The following ZDHHC11 variants were observed in gnomAD, a reference collection of about 807,000 sequenced individuals.
ZDHHC11 encodes palmitoyltransferase ZDHHC11.
ZDHHC11 carries 44 observed loss-of-function variants against 51.3 expected under a neutral mutation model. That is an observed-to-expected ratio of 0.86 (90% CI 0.67 to 1.10). The LOEUF (loss-of-function observed/expected upper bound fraction) is 1.10, where lower values mean the gene tolerates loss of function less well. Among genes scored for constraint, ZDHHC11 ranks in the 50% least tolerant of loss-of-function variants. The pLI, the probability that ZDHHC11 is intolerant of heterozygous loss-of-function variation, is 0.00. For missense variants in ZDHHC11, 400 were observed against 537.7 expected (o/e 0.74, Z 2.53); for synonymous variants, 163 against 222.0 (o/e 0.73, Z 2.36).
At chr5:844,943 A>G (rs1195641068) in intron 3 of ZDHHC11, among the ~76,000 whole-genome samples, 4 of 152,306 alleles carry the variant, frequency 2.6e-5, no homozygotes, top group Non-Finnish European at 5.9e-5. Context: ...TGCCATGATG[A>G]TATTTTTTTA....
intron 12 of ZDHHC11, among the ~76,000 whole-genome samples, chr5:798,998 G>GTT (rs1488108208): frequency 3.3e-5 from 5 of 151,818 alleles, no homozygotes; most frequent in Non-Finnish European, 7.4e-5. Context: ...GAGCCATCTT[G>GTT]TTTCAGTCAC....
rs1278754341 is a variant in ZDHHC11, at chr5:843,335, A to G, written c.628+265T>C. On this transcript the variant is annotated intron_variant, in intron 4 of 12. Coordinates refer to ENST00000283441, the MANE Select transcript of ZDHHC11 (RefSeq NM_024786.3). ...GAGGGCAGGGGCAGAGGTGGACCCC[A>G]CTGTCTCTCGCCTGACACGACCTGG... 152 of 583,040 alleles carry G rather than the reference A, an allele frequency of 2.6e-4. 1 individual carries two copies. The African/African-American group carries it at 2.7e-3, about 10-fold the overall frequency. 36.1% of individuals were successfully genotyped at this position (583,040 alleles called of 1,614,324 possible).
chr5:840,734 G>A (rs2150394603), intron 4 of ZDHHC11, 84 bp from the exon 5 acceptor site: 2 of 1,594,790 alleles, frequency 1.3e-6, no homozygotes, highest in East Asian at 2.2e-5. Context: ...AGAGCGTGCT[G>A]GGGATGGGGC....
rs1311358627 is a variant in ZDHHC11 at position 844,491 on chromosome 5, A to G, written c.504-767T>C. ...TGCCCGCACCTCCCGACTCCACCTG[A>G]TGCAGACAGGCCTCCCTACCAGCCA... On this transcript the variant is annotated intron_variant, in intron 3 of 12. Coordinates refer to ENST00000283441, the MANE Select transcript of ZDHHC11 (RefSeq NM_024786.3). Among the ~76,000 whole-genome samples, 15 of 152,402 alleles carry G rather than the reference A, an allele frequency of 9.8e-5. No individual in the cohort carries two copies. The East Asian group carries it at 2.7e-3, about 27-fold the overall frequency.
At chr5:827,136 T>C (rs1464010683) in intron 7 of ZDHHC11, among the ~76,000 whole-genome samples, 1 of 149,774 alleles carries the variant, frequency 6.7e-6, no homozygotes. Context: ...CTATGTTTCC[T>C]AAATGAAGTA....
At chr5:840,756 A>G in intron 4 of ZDHHC11, 106 bp from the exon 5 acceptor site, 1 of 1,573,292 alleles carries the variant, frequency 6.4e-7, no homozygotes, top group Non-Finnish European at 8.6e-7. Context: ...GTGTGGGGAC[A>G]GCCAGTGCGA....
rs1218362393 is a variant in ZDHHC11 at position 848,572 on chromosome 5, T to C, written c.311A>G (p.Lys104Arg). ...DPADSNVRLM[K>R]NYSQPMPLFD... ...GAGGGGCATGGGCTGAGAATAGTTC[T>C]TCATGAGTCTGACATTGGAGTCGGC... The change falls in exon 2 of 13, where the codon AAG (lysine) becomes AGG (arginine). Residue 104 changes from lysine (K) to arginine (R), a missense_variant. Lys to Arg is a conservative substitution (Grantham distance 26). This residue lies in a region of ZDHHC11 where 22 missense variants were observed against 81.0 expected (regional missense o/e 0.27). Transcript: ENST00000283441. The C allele has an allele frequency of 1.3e-6, 2 of 1,587,640 alleles. No individual in the cohort carries two copies. The highest frequency in any genetic ancestry group is 4.5e-5 in the East Asian group (2 of 44,074).
chr5:810,927 G>A (rs1257665708), intron 11 of ZDHHC11, among the ~76,000 whole-genome samples: 1 of 151,956 alleles, frequency 6.6e-6, no homozygotes, highest in Admixed American at 6.6e-5. Context: ...AAAAGCAGGT[G>A]CCTAAAGAGG....
At chr5:855,008 A>G (rs138270476), upstream of ZDHHC11, among the ~76,000 whole-genome samples, 960 of 136,360 alleles carry the variant, frequency 7.0e-3, 11 homozygotes, top group African/African-American at 0.025. Flanking sequence ...CAGACCCCAC[A>G]GAGGACAGTG....
chr5:844,474 C>T (rs1397936926), intron 3 of ZDHHC11, among the ~76,000 whole-genome samples: 1 of 152,294 alleles, frequency 6.6e-6, no homozygotes, highest in Non-Finnish European at 1.5e-5. Context: ...TCTGCCCGCA[C>T]CTCCCGACTC....
chr5:821,544 A>G (rs536959429), intron 9 of ZDHHC11, among the ~76,000 whole-genome samples: 30 of 151,490 alleles, frequency 2.0e-4, no homozygotes, highest in African/African-American at 7.0e-4. Context: ...GACAGGAGAC[A>G]GGGCTGATGT....
chr5:835,354 T>C (rs1743680314), intron 6 of ZDHHC11, among the ~76,000 whole-genome samples: 1 of 151,798 alleles, frequency 6.6e-6, no homozygotes, highest in Non-Finnish European at 1.5e-5. Context: ...TAAAGTCAAT[T>C]GACCATAAAT....
At chr5:806,508 A>G (rs1193085304) in intron 11 of ZDHHC11, among the ~76,000 whole-genome samples, 1 of 150,982 alleles carries the variant, frequency 6.6e-6, no homozygotes, top group African/African-American at 2.4e-5. Flanking sequence ...ACCAAAAAGC[A>G]TTACTTATAC....
chr5:844,556 A>T (rs1745806029), intron 3 of ZDHHC11, among the ~76,000 whole-genome samples: 1 of 152,294 alleles, frequency 6.6e-6, no homozygotes. Flanking sequence ...GGCCCTGAGC[A>T]TGGTCTGTGC....
chr5:831,356 G>A (rs1743055516), intron 7 of ZDHHC11, among the ~76,000 whole-genome samples: 1 of 149,456 alleles, frequency 6.7e-6, no homozygotes, highest in Non-Finnish European at 1.5e-5. Flanking sequence ...GGCTGGGGCA[G>A]GCAGATCACT....
upstream of ZDHHC11, among the ~76,000 whole-genome samples, chr5:853,272 C>G (rs57524199): frequency 1.4e-5 from 2 of 144,024 alleles, no homozygotes; most frequent in Non-Finnish European, 3.0e-5. Context: ...ACAGACCCCA[C>G]AGAGGACAGT....
At chr5:837,220 G>A (rs545363880) in intron 6 of ZDHHC11, 145 bp downstream of exon 6, 35 of 880,492 alleles carry the variant, frequency 4.0e-5, no homozygotes, top group Middle Eastern at 2.3e-4. Flanking sequence ...CATGCACAGA[G>A]CCTCACACAC....
In ZDHHC11 at chr5:850,699, G is replaced by T; in HGVS notation, c.-97C>A. 1 of 1,432,818 alleles carries T rather than the reference G, an allele frequency of 7.0e-7. No homozygotes were observed. Among genetic ancestry groups the T allele is most frequent in the Admixed American group, 1.9e-5 (1 of 52,268 alleles). The allele number at this position is 1,432,818 out of a possible 1,614,324, so 88.8% of individuals were successfully genotyped here. ...GACCAAGGGGACTGGGAATGCAGCC[G>T]CCAGGACCAGCACTGACAGCCAATG... On this transcript the variant is annotated 5_prime_UTR_variant, in exon 1 of 13. Transcript: ENST00000283441.
intron 6 of ZDHHC11, among the ~76,000 whole-genome samples, chr5:834,016 T>C (rs1360007756): frequency 2.6e-5 from 4 of 152,294 alleles, no homozygotes; most frequent in African/African-American, 7.2e-5. Flanking sequence ...ATTCTGGTCA[T>C]GTATTAGACA....
Sources: gnomAD v4.1 joint callset for allele counts (sites outside exome capture counted in the v4.1 genomes callset) on GRCh38, gnomAD v4.1.1 for gene constraint, gnomAD v4.1.1 regional missense constraint, MANE v1.5 for transcripts, NCBI Gene and HGNC (gene_info 2026-07-23, HGNC 2026-07-21) for gene names.